The following BCL2L13 variants were observed in gnomAD, a reference collection of about 807,000 sequenced individuals.
The protein encoded by BCL2L13 is BCL2 like 13, also known as bcl-2-like protein 13.
A neutral mutation model predicts 25.8 loss-of-function variants in BCL2L13; 13 were observed. That is an observed-to-expected ratio of 0.50 (90% CI 0.33 to 0.80). The LOEUF is 0.80. Ranked by LOEUF, BCL2L13 falls within the 30% of genes least tolerant of loss-of-function variation. BCL2L13 has a pLI of 0.02. For synonymous variants in BCL2L13, 244 were observed against 230.3 expected (o/e 1.06, Z -0.54); for missense variants, 504 against 574.9 (o/e 0.88, Z 1.26).
At chr22:17,684,314 T>C (rs1474377398) in intron 3 of BCL2L13, among the ~76,000 whole-genome samples, 2 of 151,996 alleles carry the variant, frequency 1.3e-5, no homozygotes, top group South Asian at 2.1e-4. Context: ...ATTTATTAAA[T>C]AAATAATAAT....
At chr22:17,694,301 T>C (rs2060200261) in intron 4 of BCL2L13, among the ~76,000 whole-genome samples, 1 of 151,946 alleles carries the variant, frequency 6.6e-6, no homozygotes, top group Non-Finnish European at 1.5e-5. Flanking sequence ...ATTCGAGTTT[T>C]TGGTATGACT....
chr22:17,717,736 A>G (rs1234259961), intron 6 of BCL2L13, among the ~76,000 whole-genome samples: 1 of 152,060 alleles, frequency 6.6e-6, no homozygotes, highest in Non-Finnish European at 1.5e-5. Context: ...TGTTTTTTTT[A>G]TATCATCCAA....
intron 5 of BCL2L13, among the ~76,000 whole-genome samples, chr22:17,696,983 T>G (rs941754295): frequency 3.9e-5 from 6 of 152,262 alleles, no homozygotes; most frequent in African/African-American, 1.4e-4. Flanking sequence ...GGACAGTTAC[T>G]TTTATAGACA....
At chr22:17,630,277 A>AT (rs2057981997) in intron 1 of BCL2L13, among the ~76,000 whole-genome samples, 1 of 149,524 alleles carries the variant, frequency 6.7e-6, no homozygotes, top group African/African-American at 2.5e-5. Flanking sequence ...AATGTACTTT[A>AT]TAACCCTTTC....
intron 3 of BCL2L13, among the ~76,000 whole-genome samples, chr22:17,687,562 G>A (rs1401218208): frequency 6.6e-6 from 1 of 151,946 alleles, no homozygotes; most frequent in Non-Finnish European, 1.5e-5. Flanking sequence ...TGTCACCCAG[G>A]CTGGAGTGCA....
chr22:17,687,468 G>A (rs2059977066), intron 3 of BCL2L13, among the ~76,000 whole-genome samples: 2 of 152,064 alleles, frequency 1.3e-5, no homozygotes, highest in Admixed American at 6.6e-5. Flanking sequence ...CAGCCCCCCA[G>A]TAGCTGGGAC....
chr22:17,636,634 C>CA (rs944587830), upstream of BCL2L13, among the ~76,000 whole-genome samples: 34 of 147,310 alleles, frequency 2.3e-4, no homozygotes, highest in East Asian at 2.0e-3. Context: ...ACTAAGAATA[C>CA]AAAAAAAAAA....
chr22:17,678,060 A>G (rs538878202), intron 2 of BCL2L13, among the ~76,000 whole-genome samples: 3 of 152,176 alleles, frequency 2.0e-5, no homozygotes, highest in Admixed American at 1.3e-4. Context: ...CATAAAATAT[A>G]TAGAAGTGCT....
intron 2 of BCL2L13, among the ~76,000 whole-genome samples, chr22:17,666,001 G>A (rs920776482): frequency 6.6e-5 from 10 of 152,014 alleles, no homozygotes; most frequent in Non-Finnish European, 1.2e-4. Context: ...CTGCTGGGTC[G>A]TATGGTGAAA....
chr22:17,718,520 A>T (rs2061009598), intron 6 of BCL2L13, among the ~76,000 whole-genome samples: 1 of 152,170 alleles, frequency 6.6e-6, no homozygotes, highest in Non-Finnish European at 1.5e-5. Context: ...TTCATTATTG[A>T]TGATGGTCCC....
At chr22:17,649,464 T>C (rs573314039) in intron 1 of BCL2L13, among the ~76,000 whole-genome samples, 27 of 152,286 alleles carry the variant, frequency 1.8e-4, no homozygotes, top group African/African-American at 5.5e-4. Flanking sequence ...AAAGAAATAC[T>C]GAGACTTTTT....
At chr22:17,696,259 A>G in intron 5 of BCL2L13, 49 bp downstream of exon 5, 1 of 1,448,202 alleles carries the variant, frequency 6.9e-7, no homozygotes, top group South Asian at 1.1e-5. Context: ...TGTGTTAATG[A>G]TAAGACGTAG....
chr22:17,656,359 TTTTTTTTTTG>T (rs1342025592), intron 2 of BCL2L13, among the ~76,000 whole-genome samples: 1 of 85,320 alleles, frequency 1.2e-5, no homozygotes, highest in Non-Finnish European at 2.6e-5. Flanking sequence ...TTTTTTTTTT[TTTTTTTTTTG>T]GGACAGAGTC....
intron 4 of BCL2L13, among the ~76,000 whole-genome samples, chr22:17,692,925 G>A (rs2060144807): frequency 6.6e-6 from 1 of 151,992 alleles, no homozygotes; most frequent in African/African-American, 2.4e-5. Flanking sequence ...ATTTTGGATT[G>A]TTTTTTCTTC....
chr22:17,655,659 T>A lies in BCL2L13; in HGVS notation c.-50-3T>A. The stretch of plus-strand genomic sequence containing the variant: ...ACTGAAAAAATTACTTTTTTGTTCT[T>A]AGGTTTTACACATCCATAAGTAGAC... On this transcript the variant is annotated splice_region_variant and splice_polypyrimidine_tract_variant and intron_variant, in intron 1 of 6. Coordinates refer to ENST00000317582, the MANE Select transcript of BCL2L13 (RefSeq NM_015367.4). 1 of 1,558,108 alleles carries A rather than the reference T, an allele frequency of 6.4e-7. No individual in the cohort carries two copies. Among genetic ancestry groups the A allele is most frequent in the Non-Finnish European group, 8.7e-7 (1 of 1,154,932 alleles).
At chr22:17,659,107 T>A (rs2058987405) in intron 2 of BCL2L13, among the ~76,000 whole-genome samples, 1 of 138,952 alleles carries the variant, frequency 7.2e-6, no homozygotes, top group African/African-American at 2.5e-5. Flanking sequence ...GGCTCACGCC[T>A]GTAATCCCAG....
chr22:17,715,148 ATATATATATATATATATATATATTTTTTT>A lies in BCL2L13; in HGVS notation c.601-11527_601-11499del, dbSNP rs1458328528. Among the ~76,000 whole-genome samples, 86 of 10,584 alleles carry A rather than the reference ATATATATATATATATATATATATTTTTTT, an allele frequency of 8.1e-3. 3 individuals carry two copies. Among genetic ancestry groups the A allele is most frequent in the Middle Eastern group, 0.062 (1 of 16 alleles). 6.9% of individuals were successfully genotyped at this position (10,584 alleles called of 152,430 possible). On this transcript the variant is annotated intron_variant, in intron 6 of 6. Transcript: ENST00000317582. Reference sequence around the variant, plus strand: ...TATATATATATATATATATATATATATATATATATATATATATATATATTTTTTTTTTTTTTTTTTTTTTTTTTTTTTTT... The same window carrying A: ...TATATATATATATATATATATATATATTTTTTTTTTTTTTTTTTTTTTTTT...
intron 2 of BCL2L13, among the ~76,000 whole-genome samples, chr22:17,680,521 AAAAAAAAAAAAAAAAAAAAAG>A (rs1188576746): frequency 0.029 from 2,818 of 97,700 alleles, 148 homozygotes; most frequent in African/African-American, 0.1. Context: ...CAAAAAAAAA[AAAAAAAAAAAAAAAAAAAAAG>A]AAAAAAAGAC....
At chr22:17,724,570 GATTT>G in intron 6 of BCL2L13, among the ~76,000 whole-genome samples, 1 of 152,268 alleles carries the variant, frequency 6.6e-6, no homozygotes, top group African/African-American at 2.4e-5. Flanking sequence ...ATGGTCGTGT[GATTT>G]ATTTGTATTT....
Sources: allele counts gnomAD v4.1 joint callset (sites outside exome capture counted in the v4.1 genomes callset), GRCh38; gene constraint gnomAD v4.1.1; transcripts MANE v1.5; gene names NCBI Gene and HGNC (gene_info 2026-07-23, HGNC 2026-07-21).